The following TRRAP variants were observed in gnomAD, a reference collection of about 807,000 sequenced individuals.
TRRAP encodes the protein transformation/transcription domain-associated protein.
Under a neutral mutation model 438.8 loss-of-function variants are expected in TRRAP, and 41 were observed. That is an observed-to-expected ratio of 0.09 (90% CI 0.07 to 0.12). The LOEUF (loss-of-function observed/expected upper bound fraction) is 0.12. Ranked by LOEUF, TRRAP falls within the 10% of genes least tolerant of loss-of-function variation. The probability of loss-of-function intolerance (pLI) is 1.00; values close to 1 mark genes in which losing one functional copy is unlikely to be tolerated. For synonymous variants in TRRAP, 1,994 were observed against 1,962.9 expected, an observed-to-expected ratio of 1.02 and a Z score of -0.42; for missense variants, 3,122 against 5,055.1, an observed-to-expected ratio of 0.62 and a Z score of 11.60.
chr7:98,911,229 C>G lies in TRRAP; in HGVS notation c.1965C>G (p.Val655=), dbSNP rs782789653. 3 of 1,613,928 alleles carry G rather than the reference C, an allele frequency of 1.9e-6. No homozygotes were observed. Among genetic ancestry groups the G allele is most frequent in the African/African-American group, 2.7e-5 (2 of 74,900 alleles). ...TCAAAGAAATCTTCCAAACTACGGT[C>G]CCTTATATGGTGGAGAGAATCTCAA... ...LTFKEIFQTT[V]PYMVERISKN... The change falls in exon 17 of 73, where the codon GTC becomes GTG. Residue 655 remains valine, a synonymous_variant. Coordinates refer to ENST00000456197, the MANE Select transcript of TRRAP (RefSeq NM_001375524.1).
chr7:98,910,888 GT>G lies in TRRAP; in HGVS notation c.1813-177del, dbSNP rs575173171. Among the ~76,000 whole-genome samples the G allele has an allele frequency of 3.3e-3, 489 of 146,920 alleles. 3 individuals are homozygous for G. The highest frequency in any genetic ancestry group is 0.01 in the African/African-American group (421 of 40,228). On this transcript the variant is annotated intron_variant, in intron 16 of 72. Transcript: ENST00000456197. The stretch of plus-strand genomic sequence containing the variant: ...TTTTTCATGGTCTGAACACCTAGAG[GT>G]TTTTTTTTTTTAATTCTTTGCCAAA...
intron 61 of TRRAP, among the ~76,000 whole-genome samples, chr7:98,984,695 G>A (rs1452598358): frequency 1.3e-5 from 2 of 152,124 alleles, no homozygotes; most frequent in Non-Finnish European, 2.9e-5. Flanking sequence ...AAACCGACCA[G>A]ACCTATAAAG....
intron 56 of TRRAP, 134 bp from the exon 57 acceptor site, chr7:98,978,077 A>T: frequency 2.6e-6 from 2 of 763,132 alleles, no homozygotes; most frequent in Non-Finnish European, 4.3e-6. Flanking sequence ...CCTAGGAATT[A>T]AGAGTTTGAG....
At chr7:98,905,200 C>G (rs1180423100) in intron 12 of TRRAP, among the ~76,000 whole-genome samples, 5 of 152,174 alleles carry the variant, frequency 3.3e-5, no homozygotes, top group Non-Finnish European at 7.3e-5. Context: ...TGCAGCCTGC[C>G]TGGCCTGTTG....
intron 62 of TRRAP, among the ~76,000 whole-genome samples, chr7:98,987,624 G>A (rs219819): frequency 2.6e-4 from 40 of 152,306 alleles, no homozygotes; most frequent in African/African-American, 9.1e-4. Context: ...CGTGTCAACT[G>A]CAGGTAGAGA....
At chr7:99,009,124 G>T (rs1794321868) in intron 70 of TRRAP, among the ~76,000 whole-genome samples, 1 of 152,192 alleles carries the variant, frequency 6.6e-6, no homozygotes, top group South Asian at 2.1e-4. Context: ...CAGCCCCTCG[G>T]AGGTACAGAG....
intron 58 of TRRAP, among the ~76,000 whole-genome samples, chr7:98,979,598 T>C (rs1792821432): frequency 6.6e-6 from 1 of 152,226 alleles, no homozygotes; most frequent in Non-Finnish European, 1.5e-5. Context: ...TGCTTATTCC[T>C]TCTTTACTCT....
rs1253606710 is a variant in TRRAP, at chr7:98,950,863, A to T, written c.5335-13A>T. ...TTTGTTTTTCTCCTTCTTTATTTAA[A>T]TTTTTTTTGTAGGTTCTGCAGCATA... On this transcript the variant is annotated splice_polypyrimidine_tract_variant and intron_variant, in intron 38 of 72. Coordinates refer to ENST00000456197, the MANE Select transcript of TRRAP (RefSeq NM_001375524.1). The T allele has an allele frequency of 1.3e-6, 2 of 1,509,542 alleles. No homozygotes were observed. Among genetic ancestry groups the T allele is most frequent in the East Asian group, 2.4e-5 (1 of 41,554 alleles). 93.5% of individuals were successfully genotyped at this position (1,509,542 alleles called of 1,614,324 possible).
intron 7 of TRRAP, among the ~76,000 whole-genome samples, chr7:98,896,034 T>C (rs553736305): frequency 6.6e-6 from 1 of 152,310 alleles, no homozygotes; most frequent in South Asian, 2.1e-4. Context: ...AGTACTTTTT[T>C]TGTACATAAA....
At chr7:98,928,189 G>T (rs1790141980) in intron 23 of TRRAP, among the ~76,000 whole-genome samples, 1 of 152,020 alleles carries the variant, frequency 6.6e-6, no homozygotes, top group Non-Finnish European at 1.5e-5. Context: ...GGTGAGCAGA[G>T]ATCGTGCCAT....
In TRRAP at chr7:98,996,013, T is replaced by C. The variant is rs559709251; in HGVS notation, c.10309+1165T>C. ...CCCATCCATGCACCCCCGTCCCATC[T>C]ACTCACCCCTGTCCCATTCACACTC... is the stretch of plus-strand genomic sequence containing the variant. On this transcript the variant is annotated intron_variant, in intron 67 of 72. Coordinates refer to ENST00000456197, the MANE Select transcript of TRRAP (RefSeq NM_001375524.1). 3.1e-5 allele frequency among the ~76,000 whole-genome samples: 3 copies of C among 95,618 alleles called. No homozygotes were observed. In the South Asian group the frequency reaches 1.2e-3, roughly 37 times the overall value. 62.7% of individuals were successfully genotyped at this position (95,618 alleles called of 152,430 possible).
intron 1 of TRRAP, among the ~76,000 whole-genome samples, chr7:98,879,747 G>C (rs1485861141): frequency 2.0e-5 from 3 of 152,228 alleles, no homozygotes; most frequent in Admixed American, 6.5e-5. Flanking sequence ...TGGTGGGCTT[G>C]TTGTGGGACA....
chr7:98,887,744 A>AAAC (rs1554404178), intron 3 of TRRAP, among the ~76,000 whole-genome samples: 2 of 149,112 alleles, frequency 1.3e-5, no homozygotes, highest in African/African-American at 2.5e-5. Context: ...AAAAAAAAAA[A>AAAC]AAAAAACTGC....
At position 98,908,450 on chromosome 7, in the gene TRRAP, C is replaced by A. The variant is rs1796892347; in HGVS notation, c.1116-278C>A. Among the ~76,000 whole-genome samples the A allele has an allele frequency of 6.6e-6, 1 of 152,192 alleles. No homozygotes were observed. The highest frequency in any genetic ancestry group is 1.9e-4 in the East Asian group (1 of 5,192). ...AGTGCATGATCAAGCTGGTAATATT[C>A]CTCCTTGGCTTAGCTGTATGTGCCA... is the stretch of plus-strand genomic sequence containing the variant. On this transcript the variant is annotated intron_variant, in intron 13 of 72. Coordinates refer to ENST00000456197, the MANE Select transcript of TRRAP (RefSeq NM_001375524.1). This position sits in a 1 kb window ranked among gnomAD's most constrained non-coding sequence, Gnocchi z 4.1.
intron 11 of TRRAP, 127 bp downstream of exon 11, chr7:98,900,847 G>A (rs192009958): frequency 4.1e-5 from 29 of 712,330 alleles, no homozygotes; most frequent in South Asian, 2.7e-4. Context: ...ATCAAAATAC[G>A]GTACATTTCC....
chr7:98,935,361 A>C (rs112867351), intron 27 of TRRAP, among the ~76,000 whole-genome samples: 13 of 152,240 alleles, frequency 8.5e-5, no homozygotes, highest in African/African-American at 2.9e-4. Flanking sequence ...GTGGGTGAGA[A>C]AGTGTCTAAG....
At chr7:99,009,439 G>T (rs1183627643) in intron 70 of TRRAP, among the ~76,000 whole-genome samples, 1 of 152,200 alleles carries the variant, frequency 6.6e-6, no homozygotes, top group Non-Finnish European at 1.5e-5. Context: ...CAGGGCCCGA[G>T]GTATTCCAGG....
Position 98,984,130 on chromosome 7 carries a change from T to C in TRRAP, c.9060T>C (p.Asp3020=), listed in dbSNP as rs1357081215. 1.2e-5 allele frequency: 19 copies of C among 1,613,590 alleles called. No individual in the cohort carries two copies. Among genetic ancestry groups the C allele is most frequent in the Non-Finnish European group, 1.6e-5 (19 of 1,179,732 alleles). The change falls in exon 61 of 73, where the codon GAT becomes GAC. Residue 3020 remains aspartate, a synonymous_variant. Coordinates refer to ENST00000456197, the MANE Select transcript of TRRAP (RefSeq NM_001375524.1). ...VTAYENSSQH[D]PSSNNAMLGV... is the part of the protein sequence containing the mutation. ...CCTATGAGAATAGCTCTCAGCATGA[T>C]CCCAGTTCAAATAACGCTATGCTTG...
intron 26 of TRRAP, among the ~76,000 whole-genome samples, 196 bp from the exon 27 acceptor site, chr7:98,933,045 A>G (rs1790395665): frequency 6.7e-6 from 1 of 150,118 alleles, no homozygotes; most frequent in Non-Finnish European, 1.5e-5. Context: ...GAGAGAGGTT[A>G]CGCTGTACCT....
Sources: gnomAD v4.1 joint callset for allele counts (sites outside exome capture counted in the v4.1 genomes callset) on GRCh38, gnomAD v4.1.1 for gene constraint, Gnocchi (gnomAD v3.1) non-coding constraint, MANE v1.5 for transcripts, NCBI Gene and HGNC (gene_info 2026-07-23, HGNC 2026-07-21) for gene names.